Variants in XRCC4 observed in about 807,000 individuals in gnomAD.
XRCC4 encodes DNA repair protein XRCC4.
A neutral mutation model predicts 39.1 loss-of-function variants in XRCC4; 28 were observed. The ratio of observed to expected loss-of-function variants is 0.72; its 90% CI spans 0.53 to 0.98. The LOEUF (loss-of-function observed/expected upper bound fraction) is 0.98, where lower values mean the gene tolerates loss of function less well. XRCC4 is among the 50% of genes least tolerant of loss of function. The pLI is 0.00. For missense variants in XRCC4, 350 were observed against 376.4 expected, an observed-to-expected ratio of 0.93 and a Z score of 0.58; for synonymous variants, 123 against 126.4, an observed-to-expected ratio of 0.97 and a Z score of 0.18.
intron 6 of XRCC4, 131 bp downstream of exon 6, chr5:83,205,052 T>A: frequency 1.6e-6 from 1 of 615,494 alleles, no homozygotes; most frequent in Non-Finnish European, 2.7e-6. Flanking sequence ...CATTTTTATT[T>A]TAAAAACTCA....
intron 3 of XRCC4, among the ~76,000 whole-genome samples, chr5:83,175,957 G>T (rs1328207045): frequency 6.6e-6 from 1 of 152,070 alleles, no homozygotes; most frequent in Non-Finnish European, 1.5e-5. Context: ...GAGACCAGGA[G>T]TTCAAGATTA....
intron 3 of XRCC4, among the ~76,000 whole-genome samples, chr5:83,145,858 C>CTT (rs35476083): frequency 7.3e-6 from 1 of 136,400 alleles, no homozygotes; most frequent in South Asian, 2.4e-4. Flanking sequence ...GCAGTCAGGT[C>CTT]TTTTTTTTTT....
At chr5:83,332,270 AAG>A (rs149698378) in intron 7 of XRCC4, among the ~76,000 whole-genome samples, 16 of 128,374 alleles carry the variant, frequency 1.2e-4, no homozygotes, top group East Asian at 2.3e-4. Flanking sequence ...CACACACAGA[AAG>A]AGAGAGAGAG....
chr5:83,135,085 T>A (rs142471238), intron 3 of XRCC4, among the ~76,000 whole-genome samples: 259 of 152,204 alleles, frequency 1.7e-3, no homozygotes, highest in Non-Finnish European at 1.9e-3. Flanking sequence ...AAGAACCCAC[T>A]CTAAGTAATC....
At chr5:83,192,910 A>G (rs1750777921) in intron 3 of XRCC4, among the ~76,000 whole-genome samples, 1 of 152,204 alleles carries the variant, frequency 6.6e-6, no homozygotes, top group Non-Finnish European at 1.5e-5. Flanking sequence ...TAAATAAAGA[A>G]CAGCTGTGAC....
At chr5:83,214,388 G>T (rs898508719) in intron 6 of XRCC4, among the ~76,000 whole-genome samples, 5 of 152,122 alleles carry the variant, frequency 3.3e-5, no homozygotes, top group African/African-American at 1.2e-4. Context: ...GTAATCAGTT[G>T]TATTTCTATA....
chr5:83,269,542 A>G (rs1020158240), intron 7 of XRCC4, among the ~76,000 whole-genome samples: 5 of 151,868 alleles, frequency 3.3e-5, no homozygotes, highest in Non-Finnish European at 7.4e-5. Context: ...ACAGATAAGT[A>G]ACTCTAGGTG....
At chr5:83,104,747 T>C (rs1319627802) in intron 1 of XRCC4, among the ~76,000 whole-genome samples, 163 bp from the exon 2 acceptor site, 1 of 152,246 alleles carries the variant, frequency 6.6e-6, no homozygotes, top group African/African-American at 2.4e-5. Context: ...TATTATTTAC[T>C]GAATTTAATG....
At chr5:83,287,889 A>C (rs1194170924) in intron 7 of XRCC4, among the ~76,000 whole-genome samples, 1 of 151,606 alleles carries the variant, frequency 6.6e-6, no homozygotes, top group Non-Finnish European at 1.5e-5. Flanking sequence ...GTTATTATAG[A>C]CCTTAGACCT....
chr5:83,117,445 A>G lies in XRCC4; in HGVS notation c.315+6242A>G, dbSNP rs991598466. 2.0e-5 allele frequency among the ~76,000 whole-genome samples: 3 copies of G among 151,996 alleles called. No individual in the cohort carries two copies. The South Asian group carries it at 6.2e-4, about 32-fold the overall frequency. The stretch of plus-strand genomic sequence containing the variant: ...TCTTCCTTTTTTGCTTTCATATCTC[A>G]CTCTGTTTCTTTAGAAAAATATTCA... On this transcript the variant is annotated intron_variant, in intron 3 of 7. Transcript: ENST00000396027.
At chr5:83,346,462 T>A (rs1756920286) in intron 7 of XRCC4, among the ~76,000 whole-genome samples, 1 of 152,194 alleles carries the variant, frequency 6.6e-6, no homozygotes, top group Non-Finnish European at 1.5e-5. Flanking sequence ...TGATATAATA[T>A]TTATAGAGAT....
chr5:83,162,029 T>C (rs1365405754), intron 3 of XRCC4, among the ~76,000 whole-genome samples: 2 of 151,952 alleles, frequency 1.3e-5, no homozygotes, highest in Non-Finnish European at 2.9e-5. Context: ...TAGCCAGGTG[T>C]GGTGGCGGGT....
At chr5:83,196,022 A>C in intron 4 of XRCC4, 86 bp downstream of exon 4, 1 of 1,362,494 alleles carries the variant, frequency 7.3e-7, no homozygotes, top group Non-Finnish European at 9.8e-7. Context: ...GTAAATTTCC[A>C]ATATATGTGG....
intron 3 of XRCC4, among the ~76,000 whole-genome samples, chr5:83,163,335 G>T (rs1374741437): frequency 6.6e-6 from 1 of 152,152 alleles, no homozygotes. Flanking sequence ...ATTGAGAAGG[G>T]TCCCAAATAA....
At chr5:83,330,219 A>G (rs1362274854) in intron 7 of XRCC4, among the ~76,000 whole-genome samples, 1 of 152,076 alleles carries the variant, frequency 6.6e-6, no homozygotes, top group African/African-American at 2.4e-5. Context: ...CTTATACACT[A>G]CTAAAGGAAG....
At chr5:83,320,039 G>A (rs898671951) in intron 7 of XRCC4, among the ~76,000 whole-genome samples, 2 of 150,934 alleles carry the variant, frequency 1.3e-5, no homozygotes. Flanking sequence ...AAATAATGAT[G>A]AGTTCATGTC....
At chr5:83,141,236 A>G (rs1748157917) in intron 3 of XRCC4, among the ~76,000 whole-genome samples, 1 of 152,196 alleles carries the variant, frequency 6.6e-6, no homozygotes, top group Non-Finnish European at 1.5e-5. Flanking sequence ...AGTTGTTTCC[A>G]GTATTTCATT....
chr5:83,329,209 T>C (rs1341302498), intron 7 of XRCC4, among the ~76,000 whole-genome samples: 1 of 152,160 alleles, frequency 6.6e-6, no homozygotes, highest in Non-Finnish European at 1.5e-5. Flanking sequence ...CACAGGAGAA[T>C]ATTTTTAACG....
At chr5:83,170,647 C>T (rs1312798056) in intron 3 of XRCC4, among the ~76,000 whole-genome samples, 2 of 152,172 alleles carry the variant, frequency 1.3e-5, no homozygotes, top group Non-Finnish European at 2.9e-5. Flanking sequence ...AGACAAGTTC[C>T]TTCAAGTCTA....
Sources: gnomAD v4.1 joint callset for allele counts (sites outside exome capture counted in the v4.1 genomes callset) on GRCh38, gnomAD v4.1.1 for gene constraint, MANE v1.5 for transcripts, NCBI Gene and HGNC (gene_info 2026-07-23, HGNC 2026-07-21) for gene names.